Variants in NRXN1 observed in about 807,000 individuals in gnomAD.
NRXN1 encodes neurexin 1.
NRXN1 carries 39 observed loss-of-function variants against 150.9 expected under a neutral mutation model. That is an observed-to-expected ratio of 0.26 (90% CI 0.20 to 0.34). NRXN1 has a LOEUF of 0.34. NRXN1 is among the 10% of genes least tolerant of loss of function. The pLI, the probability that NRXN1 is intolerant of heterozygous loss-of-function variation, is 1.00. For missense variants in NRXN1, 1,815 were observed against 1,949.9 expected, an observed-to-expected ratio of 0.93 and a Z score of 1.30; for synonymous variants, 924 against 757.0, an observed-to-expected ratio of 1.22 and a Z score of -3.62.
chr2:50,945,673 C>A (rs1298233886), intron 2 of NRXN1, among the ~76,000 whole-genome samples: 2 of 151,574 alleles, frequency 1.3e-5, no homozygotes, highest in African/African-American at 4.8e-5. Flanking sequence ...ATACAGCATA[C>A]TGTATAATCT....
intron 5 of NRXN1, among the ~76,000 whole-genome samples, chr2:50,910,085 A>G (rs1450919610): frequency 6.6e-6 from 1 of 151,892 alleles, no homozygotes; most frequent in Non-Finnish European, 1.5e-5. Flanking sequence ...TCACAAAAAT[A>G]TTTTGCAATT....
chr2:50,386,643 T>C (rs990765813), intron 17 of NRXN1, among the ~76,000 whole-genome samples: 2 of 152,166 alleles, frequency 1.3e-5, no homozygotes, highest in Non-Finnish European at 2.9e-5. Flanking sequence ...TGGCATCTTA[T>C]GCCCCCTTGC....
At chr2:50,457,716 G>A (rs1303445759) in intron 17 of NRXN1, among the ~76,000 whole-genome samples, 1 of 151,990 alleles carries the variant, frequency 6.6e-6, no homozygotes, top group Non-Finnish European at 1.5e-5. Context: ...AAAAATGCTT[G>A]ATATCACTAA....
At position 50,497,645 on chromosome 2, in the gene NRXN1, C is replaced by T. The variant is rs200249774; in HGVS notation, c.2567G>A (p.Arg856Gln). Residue 856 changes from arginine to glutamine, a missense_variant, in exon 14 of 23, where the codon CGG becomes CAG. Around this residue, in one of 6 missense-constraint regions of NRXN1, gnomAD observed 638 missense variants for 652.6 expected, o/e 0.98. Coordinates refer to ENST00000401669, the MANE Select transcript of NRXN1 (RefSeq NM_001330078.2). ...NIETGIITER[R>Q]YLSSVPSNFI... ...GTTGGAGGGGACAGAAGAAAGATAC[C>T]GTCGTTCTGTGATGATGCCAGTCTC... The T allele has an allele frequency of 2.2e-5, 35 of 1,613,664 alleles. No homozygotes were observed. The highest frequency in any genetic ancestry group is 3.3e-4 in the Middle Eastern group (2 of 6,082).
intron 5 of NRXN1, among the ~76,000 whole-genome samples, chr2:50,786,478 A>G (rs1705128365): frequency 6.6e-6 from 1 of 152,098 alleles, no homozygotes; most frequent in Admixed American, 6.6e-5. Flanking sequence ...GGGTTTTCGG[A>G]CGGAATTTCA....
chr2:50,623,267 A>G (rs1276047027), intron 6 of NRXN1, 47 bp downstream of exon 6: 1 of 1,490,856 alleles, frequency 6.7e-7, no homozygotes, highest in Non-Finnish European at 9.3e-7. Flanking sequence ...ACACACAGCT[A>G]TAGCGAGAAA....
chr2:50,743,738 C>T (rs979500288), intron 5 of NRXN1, among the ~76,000 whole-genome samples: 2 of 152,150 alleles, frequency 1.3e-5, no homozygotes, highest in Admixed American at 6.5e-5. Context: ...ACTTATAAAA[C>T]AACCCTAGAT....
Position 49,971,142 on chromosome 2 carries a change from T to TC in NRXN1, c.4129-27352dup, listed in dbSNP as rs553423733. Among the ~76,000 whole-genome samples the TC allele has an allele frequency of 7.0e-4, 107 of 152,236 alleles. 2 individuals carry two copies. In the South Asian group the frequency reaches 0.011, roughly 16 times the overall value. ...TAAAGTACTTGGCTACATGCTTTTT[T>TC]CCCATTTGAAAACTAAAAAGTGTCA... On this transcript the variant is annotated intron_variant, in intron 21 of 22. Coordinates refer to ENST00000401669, the MANE Select transcript of NRXN1 (RefSeq NM_001330078.2).
intron 5 of NRXN1, among the ~76,000 whole-genome samples, chr2:50,897,875 A>T (rs940748820): frequency 3.3e-5 from 5 of 152,238 alleles, no homozygotes; most frequent in African/African-American, 9.6e-5. Context: ...CAAAGTGTGC[A>T]CTTTAAATGG....
intron 5 of NRXN1, among the ~76,000 whole-genome samples, chr2:50,681,065 C>T (rs1439638237): frequency 6.6e-6 from 1 of 152,166 alleles, no homozygotes; most frequent in Admixed American, 6.5e-5. Flanking sequence ...GGAACTTATT[C>T]ATCTACCAAC....
intron 19 of NRXN1, among the ~76,000 whole-genome samples, chr2:50,079,870 G>A (rs1359438228): frequency 2.6e-5 from 4 of 152,036 alleles, no homozygotes; most frequent in African/African-American, 9.7e-5. Flanking sequence ...ATAATGAACG[G>A]TAATATGGTA....
At chr2:50,164,498 A>G (rs2059556093) in intron 18 of NRXN1, among the ~76,000 whole-genome samples, 1 of 152,184 alleles carries the variant, frequency 6.6e-6, no homozygotes. Flanking sequence ...GTCATTTTTA[A>G]TTGGCAATTA....
intron 17 of NRXN1, among the ~76,000 whole-genome samples, chr2:50,309,515 T>C (rs1328895433): frequency 2.0e-5 from 3 of 152,186 alleles, no homozygotes; most frequent in Non-Finnish European, 4.4e-5. Flanking sequence ...AAGAGACTTT[T>C]CCCCTGTATG....
At chr2:50,812,195 T>C (rs954699784) in intron 5 of NRXN1, among the ~76,000 whole-genome samples, 2 of 152,186 alleles carry the variant, frequency 1.3e-5, no homozygotes, top group Admixed American at 1.3e-4. Flanking sequence ...CTGAAAACAG[T>C]CACTGGTTGC....
Position 50,495,345 on chromosome 2 carries a change from C to CGT in NRXN1, c.3070+558_3070+559dup, listed in dbSNP as rs71404957. The stretch of plus-strand genomic sequence containing the variant: ...TTAGCAGCTGGTGAAAGAAGCATTC[C>CGT]GTGTGTGTGTGTGTGTGTGTGTGTG... On this transcript the variant is annotated intron_variant, in intron 15 of 22. Transcript: ENST00000401669. Among the ~76,000 whole-genome samples, 214 of 76,118 alleles carry CGT rather than the reference C, an allele frequency of 2.8e-3. 2 individuals are homozygous for CGT. Among genetic ancestry groups the CGT allele is most frequent in the African/African-American group, 6.2e-3 (122 of 19,562 alleles). 49.9% of individuals were successfully genotyped at this position (76,118 alleles called of 152,430 possible). A position where few individuals can be genotyped will look rare whatever the true frequency, so the allele number is the denominator to read the frequency against.
chr2:50,703,845 A>G (rs572299646), intron 5 of NRXN1, among the ~76,000 whole-genome samples: 2 of 152,266 alleles, frequency 1.3e-5, no homozygotes, highest in East Asian at 3.9e-4. Flanking sequence ...AGGTTAGAAA[A>G]TTGAAACAGA....
At chr2:50,712,951 C>T (rs1049467971) in intron 5 of NRXN1, among the ~76,000 whole-genome samples, 71 of 152,262 alleles carry the variant, frequency 4.7e-4, no homozygotes, top group African/African-American at 1.3e-3. Context: ...ATATCATTTA[C>T]ATATTTTGTT....
chr2:51,020,129 A>T (rs1669363096), intron 2 of NRXN1, among the ~76,000 whole-genome samples: 3 of 151,690 alleles, frequency 2.0e-5, no homozygotes. Flanking sequence ...TAGTTCAGTG[A>T]ATCTTTACAA....
chr2:50,734,042 C>T (rs1698425639), intron 5 of NRXN1, among the ~76,000 whole-genome samples: 1 of 151,942 alleles, frequency 6.6e-6, no homozygotes, highest in Admixed American at 6.6e-5. Context: ...GTGATTTTGC[C>T]CCCCAAGGGA....
Sources: gnomAD v4.1 joint callset for allele counts (sites outside exome capture counted in the v4.1 genomes callset) on GRCh38, gnomAD v4.1.1 for gene constraint, gnomAD v4.1.1 regional missense constraint, MANE v1.5 for transcripts, NCBI Gene and HGNC (gene_info 2026-07-23, HGNC 2026-07-21) for gene names.